Variants in EML4 observed in about 807,000 individuals in gnomAD.
EML4 encodes echinoderm microtubule-associated protein-like 4.
A neutral mutation model predicts 129.0 loss-of-function variants in EML4; 72 were observed. The ratio of observed to expected loss-of-function variants is 0.56; its 90% confidence interval spans 0.46 to 0.68. The LOEUF is 0.68. EML4 is among the 30% of genes least tolerant of loss of function. The pLI is 0.00. For missense variants in EML4, 1,363 were observed against 1,190.6 expected, an observed-to-expected ratio of 1.14 and a Z score of -2.13; for synonymous variants, 532 against 405.0, an observed-to-expected ratio of 1.31 and a Z score of -3.77.
In EML4 at chr2:42,238,736, C is replaced by T. The variant is rs1039710751; in HGVS notation, c.26-6769C>T. 1.2e-3 allele frequency among the ~76,000 whole-genome samples: 175 copies of T among 151,870 alleles called. 3 individuals are homozygous for T. Among genetic ancestry groups the T allele is most frequent in the Non-Finnish European group, 1.2e-4 (8 of 67,914 alleles). The stretch of plus-strand genomic sequence containing the variant: ...CTCAGACAATTCTACTGCCTCAGCC[C>T]CTGAATTACAAGCATGTGCCACCAC... On this transcript the variant is annotated intron_variant, in intron 1 of 22. Transcript: ENST00000318522.
intron 9 of EML4, 22 bp downstream of exon 9, chr2:42,284,725 CTTCTGT>C: frequency 6.4e-7 from 1 of 1,561,988 alleles, no homozygotes; most frequent in Non-Finnish European, 8.8e-7. Context: ...AGTGTTATGC[CTTCTGT>C]ACCTAGAGAC....
chr2:42,251,644 G>T (rs1481703337), intron 2 of EML4, among the ~76,000 whole-genome samples: 1 of 152,152 alleles, frequency 6.6e-6, no homozygotes, highest in Non-Finnish European at 1.5e-5. Flanking sequence ...GAAAAGTGAC[G>T]AAGAGCCTGA....
In EML4 at chr2:42,277,440, C is replaced by T. The variant is rs113998859; in HGVS notation, c.668-3410C>T. ...CTCTTAGATTCAGAAGTAATGAAGA[C>T]GTACATCATGTGATGTTGAAACCAT... On this transcript the variant is annotated intron_variant, in intron 6 of 22. Transcript: ENST00000318522. Among the ~76,000 whole-genome samples the T allele has an allele frequency of 8.1e-3, 1,235 of 152,292 alleles. 10 individuals carry two copies. Among genetic ancestry groups the T allele is most frequent in the African/African-American group, 0.029 (1,186 of 41,562 alleles).
At chr2:42,328,841 T>C in intron 21 of EML4, 45 bp from the exon 22 acceptor site, 1 of 1,523,972 alleles carries the variant, frequency 6.6e-7, no homozygotes, top group South Asian at 1.2e-5. Context: ...CACAGTTATA[T>C]TTCTTCAGCT....
chr2:42,237,544 T>G (rs1201154469), intron 1 of EML4, among the ~76,000 whole-genome samples: 1 of 152,048 alleles, frequency 6.6e-6, no homozygotes, highest in African/African-American at 2.4e-5. Flanking sequence ...AACATGGGGG[T>G]TTGGGGTGCC....
intron 1 of EML4, among the ~76,000 whole-genome samples, chr2:42,193,353 G>A (rs754294133): frequency 2.0e-5 from 3 of 152,172 alleles, no homozygotes; most frequent in Non-Finnish European, 4.4e-5. Flanking sequence ...ACTGCAAAAC[G>A]TGCATGCAGT....
At chr2:42,176,285 A>G (rs949123780) in intron 1 of EML4, among the ~76,000 whole-genome samples, 1 of 152,128 alleles carries the variant, frequency 6.6e-6, no homozygotes, top group African/African-American at 2.4e-5. Flanking sequence ...GCTATAGTTC[A>G]GGTACTTATT....
intron 1 of EML4, among the ~76,000 whole-genome samples, chr2:42,190,155 A>T (rs917879973): frequency 3.3e-5 from 5 of 152,210 alleles, no homozygotes; most frequent in African/African-American, 1.2e-4. Flanking sequence ...TCTTGTCAGG[A>T]TGATAGAACT....
chr2:42,268,084 A>G (rs1215785237), intron 6 of EML4, among the ~76,000 whole-genome samples: 3 of 152,232 alleles, frequency 2.0e-5, no homozygotes, highest in African/African-American at 4.8e-5. Context: ...TGATACTGCC[A>G]TTAAGGTCAT....
intron 1 of EML4, among the ~76,000 whole-genome samples, chr2:42,202,647 C>T (rs1672299073): frequency 6.6e-6 from 1 of 152,136 alleles, no homozygotes; most frequent in African/African-American, 2.4e-5. Context: ...GGCCAGAAGA[C>T]TACATCAGTC....
chr2:42,182,780 G>A (rs1198155886), intron 1 of EML4, among the ~76,000 whole-genome samples: 1 of 152,082 alleles, frequency 6.6e-6, no homozygotes, highest in East Asian at 1.9e-4. Context: ...TCACAGTTCT[G>A]GAAGCTAGAG....
chr2:42,225,921 A>C (rs1673929181), intron 1 of EML4, among the ~76,000 whole-genome samples: 1 of 152,160 alleles, frequency 6.6e-6, no homozygotes, highest in Non-Finnish European at 1.5e-5. Flanking sequence ...GTTCCTGGCA[A>C]ATTAGTCACT....
intron 1 of EML4, among the ~76,000 whole-genome samples, chr2:42,220,338 T>A (rs1558513176): frequency 6.6e-6 from 1 of 151,924 alleles, no homozygotes; most frequent in East Asian, 1.9e-4. Context: ...ACCCACTTCA[T>A]CTGTGTCACG....
chr2:42,215,685 G>A (rs1355153927), intron 1 of EML4, among the ~76,000 whole-genome samples: 2 of 152,066 alleles, frequency 1.3e-5, no homozygotes, highest in African/African-American at 2.4e-5. Flanking sequence ...GTAAGTTGCG[G>A]GTACTCAGAT....
intron 1 of EML4, 92 bp downstream of exon 1, chr2:42,169,728 C>T (rs1670145056): frequency 1.4e-6 from 2 of 1,440,806 alleles, no homozygotes; most frequent in African/African-American, 1.5e-5. Context: ...CCCGCCTGCC[C>T]CTCGGGGTGG....
intron 19 of EML4, among the ~76,000 whole-genome samples, chr2:42,319,380 A>C (rs1669406205): frequency 6.6e-6 from 1 of 152,232 alleles, no homozygotes. Flanking sequence ...ACTTGTCCTA[A>C]TCCAGTTAGG....
intron 16 of EML4, 90 bp from the exon 17 acceptor site, chr2:42,304,394 T>G: frequency 1.1e-6 from 1 of 871,868 alleles, no homozygotes. Context: ...TATGTTTGAA[T>G]GAAACAGGTT....
intron 1 of EML4, among the ~76,000 whole-genome samples, chr2:42,195,361 T>C (rs1671837732): frequency 6.6e-6 from 1 of 152,250 alleles, no homozygotes; most frequent in Non-Finnish European, 1.5e-5. Context: ...TAATGTTTAA[T>C]GTATCATACT....
chr2:42,263,283 A>G lies in EML4; in HGVS notation c.618A>G (p.Pro206=), dbSNP rs755162574. The G allele has an allele frequency of 2.5e-6, 4 of 1,612,068 alleles. No individual in the cohort carries two copies. Among genetic ancestry groups the G allele is most frequent in the Admixed American group, 3.4e-5 (2 of 59,648 alleles). Residue 206 remains proline, a synonymous_variant, in exon 5 of 23, where the codon CCA becomes CCG. Transcript: ENST00000318522. ...SKIPSTPKLI[P]KVTKTADKHK... The stretch of plus-strand genomic sequence containing the variant: ...TACCTTCAACACCCAAATTAATACC[A>G]AAAGTTACCAAAACTGCAGACAAGT...
Sources: gnomAD v4.1 joint callset for allele counts (sites outside exome capture counted in the v4.1 genomes callset) on GRCh38, gnomAD v4.1.1 for gene constraint, MANE v1.5 for transcripts, NCBI Gene and HGNC (gene_info 2026-07-23, HGNC 2026-07-21) for gene names.